The following CCDC183 variants were observed in gnomAD, a reference collection of about 807,000 sequenced individuals.
CCDC183 encodes the protein coiled-coil domain-containing protein 183.
CCDC183 carries 63 observed loss-of-function variants against 65.2 expected under a neutral mutation model. The ratio of observed to expected loss-of-function variants is 0.97; its 90% CI spans 0.79 to 1.19. The LOEUF is 1.19. Ranked by LOEUF, CCDC183 falls within the 50% of genes most tolerant of loss-of-function variation. The pLI is 0.00. For synonymous variants in CCDC183, 323 were observed against 276.5 expected, an observed-to-expected ratio of 1.17 and a Z score of -1.67; for missense variants, 769 against 689.3, an observed-to-expected ratio of 1.12 and a Z score of -1.30.
In CCDC183 at chr9:136,802,657, A is replaced by G; in HGVS notation, c.544-7A>G. On this transcript the variant is annotated splice_polypyrimidine_tract_variant and splice_region_variant and intron_variant, in intron 5 of 13. Coordinates refer to ENST00000338005, the MANE Select transcript of CCDC183 (RefSeq NM_001039374.5). The stretch of plus-strand genomic sequence containing the variant: ...TAGGGGCCACAAGAGAACCCCATTC[A>G]ACACAGGTGCTGGCAGGATACCCCA... 1 of 1,607,246 alleles carries G rather than the reference A, an allele frequency of 6.2e-7. No individual in the cohort carries two copies. Among genetic ancestry groups the G allele is most frequent in the Non-Finnish European group, 8.5e-7 (1 of 1,177,122 alleles).
chr9:136,807,394 T>C, intron 13 of CCDC183, 178 bp from the exon 14 acceptor site: 1 of 825,936 alleles, frequency 1.2e-6, no homozygotes, highest in Non-Finnish European at 1.8e-6. Flanking sequence ...CGGGAAAGGC[T>C]AGGCAGGGCA....
rs145717827 is a variant in CCDC183 at position 136,797,101 on chromosome 9, C to T, written c.70+634C>T. On this transcript the variant is annotated intron_variant, in intron 1 of 13. Transcript: ENST00000338005. ...GTTCTATTCTAAGATAGGAGAAAAC[C>T]GCTCTGTGGCTAGAGGCAAGATATG... Among the ~76,000 whole-genome samples the T allele has an allele frequency of 5.7e-3, 867 of 152,280 alleles. 12 individuals carry two copies. Among genetic ancestry groups the T allele is most frequent in the African/African-American group, 0.02 (825 of 41,536 alleles).
intron 9 of CCDC183, 138 bp downstream of exon 9, chr9:136,805,595 C>G (rs1295379828): frequency 1.0e-5 from 7 of 693,236 alleles, no homozygotes; most frequent in Non-Finnish European, 1.7e-5. Flanking sequence ...CTGAAATGGA[C>G]ACACAAAGTG....
rs770578703 is a variant in CCDC183 at position 136,806,862 on chromosome 9, G to C, written c.1384G>C (p.Glu462Gln). Reference sequence around the variant, plus strand: ...CAGAGTGCAGATGGTGTCCAGGACCGAGGAGGTAGCCCCGGGCTGGGAGGA... The same window carrying C: ...CAGAGTGCAGATGGTGTCCAGGACCCAGGAGGTAGCCCCGGGCTGGGAGGA... The part of the protein sequence containing the change: ...ADRVQMVSRT[E>Q]EGDTKVRDTL... Residue 462 changes from glutamate (E) to glutamine (Q), a missense_variant, in exon 12 of 14, where the codon GAG becomes CAG. Glu to Gln is a conservative substitution (Grantham distance 29). Transcript: ENST00000338005. 6.2e-7 allele frequency: 1 copy of C among 1,613,416 alleles called. No homozygotes were observed.
rs1304544487 is a variant in CCDC183, at chr9:136,805,383, G to A, written c.874G>A (p.Glu292Lys). 13 of 1,613,932 alleles carry A rather than the reference G, an allele frequency of 8.1e-6. No homozygotes were observed. The highest frequency in any genetic ancestry group is 1.7e-5 in the Admixed American group (1 of 59,990). ...GAGGAGAAAAGAGACCTCCACAGCA[G>A]AAATGGAATACCAGTCGGGCGTGAC... ...KLRRKETSTAEMEYQSGVTAV... is the reference protein window; with the variant it reads ...KLRRKETSTAKMEYQSGVTAV... Residue 292 changes from glutamate to lysine, a missense_variant, in exon 9 of 14, where the codon GAA (glutamate) becomes AAA (lysine). Coordinates refer to ENST00000338005, the MANE Select transcript of CCDC183 (RefSeq NM_001039374.5).
intron 2 of CCDC183, chr9:136,799,512 C>T: frequency 1.5e-6 from 1 of 664,430 alleles, no homozygotes; most frequent in Non-Finnish European, 2.5e-6. Context: ...CCAGGCCCTC[C>T]TCTGCATACC....
chr9:136,804,454 C>A lies in CCDC183; in HGVS notation c.667-48C>A, dbSNP rs954422077. ...CCGCTGGCTTTACTGCCATTAGGGG[C>A]CTTGTTGAGACAGCTCCCCAACCCT... On this transcript the variant is annotated intron_variant, in intron 6 of 13. Coordinates refer to ENST00000338005, the MANE Select transcript of CCDC183 (RefSeq NM_001039374.5). This position sits in a 1 kb window ranked among gnomAD's most constrained non-coding sequence, Gnocchi z 4.1. The A allele has an allele frequency of 3.1e-6, 5 of 1,589,292 alleles. No individual in the cohort carries two copies. In the Admixed American group the frequency reaches 8.8e-5, roughly 28 times the overall value.
rs768231689 is a variant in CCDC183, at chr9:136,806,665, C to A, written c.1271C>A (p.Ala424Glu). ...YVRLMGINLP[A>E]TQREVVLSNT... is the part of the protein sequence containing the mutation. ...CGGCTGATGGGCATTAACTTGCCTG[C>A]GACCCAGGTACCGGGAGTGAGGCTG... The change falls in exon 11 of 14, where the codon GCG becomes GAG. Residue 424 changes from alanine (A) to glutamate (E), a missense_variant. Ala to Glu is a moderately radical substitution (Grantham distance 107). Coordinates refer to ENST00000338005, the MANE Select transcript of CCDC183 (RefSeq NM_001039374.5). 5.0e-6 allele frequency: 8 copies of A among 1,613,292 alleles called. No individual in the cohort carries two copies. The highest frequency in any genetic ancestry group is 1.1e-5 in the South Asian group (1 of 91,082).
intron 11 of CCDC183, 30 bp from the exon 12 acceptor site, chr9:136,806,727 G>A: frequency 6.8e-6 from 11 of 1,613,432 alleles, no homozygotes; most frequent in Non-Finnish European, 7.6e-6. Flanking sequence ...AGGGCCAGAG[G>A]GGAGATGAGA....
At chr9:136,805,735 A>C (rs1056223659) in intron 9 of CCDC183, among the ~76,000 whole-genome samples, 7 of 152,180 alleles carry the variant, frequency 4.6e-5, no homozygotes, top group Admixed American at 4.6e-4. Flanking sequence ...CAAGTGACTC[A>C]AGTGACACAA....
Position 136,799,177 on chromosome 9 carries a change from G to A in CCDC183, c.146G>A (p.Arg49His), listed in dbSNP as rs1461461863. The change falls in exon 2 of 14, where the codon CGC becomes CAC. Residue 49 changes from arginine (R) to histidine (H), a missense_variant. Arg to His is a conservative substitution (Grantham distance 29). Coordinates refer to ENST00000338005, the MANE Select transcript of CCDC183 (RefSeq NM_001039374.5). ...AACAAGGCCACGCTGGCCCTCCTGC[G>A]CAGCAACATCCGCCGCGGGGCCCAG... Reference protein sequence around the residue: ...DQNKATLALLRSNIRRGAQDW... With the variant: ...DQNKATLALLHSNIRRGAQDW... 2 of 1,612,106 alleles carry A rather than the reference G, an allele frequency of 1.2e-6. No homozygotes were observed. The highest frequency in any genetic ancestry group is 1.7e-6 in the Non-Finnish European group (2 of 1,179,430).
intron 1 of CCDC183, among the ~76,000 whole-genome samples, chr9:136,797,857 G>A (rs1209308126): frequency 6.6e-6 from 1 of 152,072 alleles, no homozygotes; most frequent in African/African-American, 2.4e-5. Context: ...GTCTCGCTCT[G>A]TCACGCAGGC....
At chr9:136,807,435 G>T in intron 13 of CCDC183, 137 bp from the exon 14 acceptor site, 1 of 1,133,728 alleles carries the variant, frequency 8.8e-7, no homozygotes, top group Non-Finnish European at 1.2e-6. Flanking sequence ...GCTGGGCTGA[G>T]TCCTCCCGGC....
chr9:136,805,360 G>A lies in CCDC183; in HGVS notation c.851G>A (p.Arg284Lys). 1 of 1,612,872 alleles carries A rather than the reference G, an allele frequency of 6.2e-7. No homozygotes were observed. The highest frequency in any genetic ancestry group is 8.5e-7 in the Non-Finnish European group (1 of 1,179,574). Reference sequence around the variant, plus strand: ...CCCCTCCCCTCTGCTCTGCCAGTGAGGAGAAAAGAGACCTCCACAGCAGAA... The same window carrying A: ...CCCCTCCCCTCTGCTCTGCCAGTGAAGAGAAAAGAGACCTCCACAGCAGAA... ...NLMSTETLKL[R>K]RKETSTAEME... Residue 284 changes from arginine (R) to lysine (K), a missense_variant, in exon 9 of 14, where the codon AGG (arginine) becomes AAG (lysine). By Grantham distance (26) the Arg-to-Lys change is conservative (BLOSUM62 2). Coordinates refer to ENST00000338005, the MANE Select transcript of CCDC183 (RefSeq NM_001039374.5).
intron 8 of CCDC183, 186 bp from the exon 9 acceptor site, chr9:136,805,171 G>C: frequency 1.7e-6 from 1 of 603,768 alleles, no homozygotes; most frequent in South Asian, 2.0e-5. Flanking sequence ...GGGGCTGCCT[G>C]GGGCGTCCCT....
intron 1 of CCDC183, among the ~76,000 whole-genome samples, chr9:136,798,341 G>T (rs911301868): frequency 2.1e-5 from 3 of 143,954 alleles, no homozygotes; most frequent in African/African-American, 5.3e-5. Context: ...TCATTCTGTC[G>T]TCCAGGTGGA....
Position 136,796,463 on chromosome 9 carries a change from C to A in CCDC183, c.66C>A (p.Leu22=), listed in dbSNP as rs1262873842. The part of the protein sequence containing the change: ...QTQELKTITQ[L]QEQCRALQIQ... Reference sequence around the variant, plus strand: ...AGGAGCTGAAGACCATCACTCAGCTCCAGGGTGAGCCTGCACCGCCGTGAC... The same window carrying A: ...AGGAGCTGAAGACCATCACTCAGCTACAGGGTGAGCCTGCACCGCCGTGAC... Residue 22 remains leucine, a synonymous_variant, in exon 1 of 14, where the codon CTC becomes CTA. Transcript: ENST00000338005. The A allele has an allele frequency of 3.2e-6, 5 of 1,561,470 alleles. No individual in the cohort carries two copies. Among genetic ancestry groups the A allele is most frequent in the Non-Finnish European group, 4.3e-6 (5 of 1,151,316 alleles).
intron 6 of CCDC183, among the ~76,000 whole-genome samples, chr9:136,803,147 TGGGGCCCCCCAGGGCCAGCC>T (rs1847769202): frequency 4.9e-5 from 1 of 20,422 alleles, no homozygotes; most frequent in African/African-American, 2.6e-4. Flanking sequence ...GGCCCAGGGC[TGGGGCCCCCCAGGGCCAGCC>T]CTCTTGGATC....
chr9:136,806,583 A>G lies in CCDC183; in HGVS notation c.1189A>G (p.Thr397Ala). 6.2e-7 allele frequency: 1 copy of G among 1,613,692 alleles called. No individual in the cohort carries two copies. The stretch of plus-strand genomic sequence containing the variant: ...GCTCCAGCTGGCGCACAGCAACATG[A>G]CCAAGGGCCAGGAGCTGCTGCTGAC... ...ERLQLAHSNMTKGQELLLTIQ... is the reference protein window; with the variant it reads ...ERLQLAHSNMAKGQELLLTIQ... The change falls in exon 11 of 14, where the codon ACC becomes GCC. Residue 397 changes from threonine to alanine, a missense_variant. By Grantham distance (58) the Thr-to-Ala change is moderately conservative. Coordinates refer to ENST00000338005, the MANE Select transcript of CCDC183 (RefSeq NM_001039374.5).
Sources: gnomAD v4.1 joint callset for allele counts (sites outside exome capture counted in the v4.1 genomes callset) on GRCh38, gnomAD v4.1.1 for gene constraint, Gnocchi (gnomAD v3.1) non-coding constraint, MANE v1.5 for transcripts, NCBI Gene and HGNC (gene_info 2026-07-23, HGNC 2026-07-21) for gene names.